ZIC3: variants seen among roughly 807,000 people sequenced by gnomAD.
The protein encoded by ZIC3 is Zic family zinc finger 3, also known as zinc finger protein ZIC 3.
ZIC3 carries 6 observed loss-of-function variants against 18.3 expected under a neutral mutation model. The observed-to-expected ratio is 0.33, with a 90% confidence interval of 0.18 to 0.65. The LOEUF (loss-of-function observed/expected upper bound fraction) is 0.65, where lower values mean the gene tolerates loss of function less well. Ranked by LOEUF, ZIC3 falls within the 30% of genes least tolerant of loss-of-function variation. The pLI is 0.75. For synonymous variants in ZIC3, 175 were observed against 177.0 expected, an observed-to-expected ratio of 0.99 and a Z score of 0.09; for missense variants, 260 against 410.0, an observed-to-expected ratio of 0.63 and a Z score of 3.16.
At chrX:137,568,858 G>T in intron 1 of ZIC3, 44 bp from the exon 2 acceptor site, 1 of 1,205,500 alleles carries the variant, frequency 8.3e-7, no homozygotes, top group African/African-American at 1.7e-5. Context: ...AGAAACTCCG[G>T]CGCTGACCGT....
At chrX:137,577,109 G>A (rs1275502448) in intron 2 of ZIC3, 1 of 504,491 alleles carries the variant, frequency 2.0e-6, no homozygotes, top group Non-Finnish European at 3.6e-6. Flanking sequence ...TTCACTTTTT[G>A]TTTTTTTGCC....
chrX:137,576,468 T>C (rs992837536), downstream of ZIC3, among the ~76,000 whole-genome samples: 1 of 111,871 alleles, frequency 8.9e-6, no homozygotes, highest in East Asian at 2.8e-4. Context: ...ATAGAAGTTA[T>C]GTGAATGGAA....
chrX:137,575,658 C>T (rs1313618373), downstream of ZIC3, among the ~76,000 whole-genome samples: 5 of 111,887 alleles, frequency 4.5e-5, no homozygotes, highest in Non-Finnish European at 9.4e-5. Context: ...AAAGTCAGCC[C>T]TCTTGGGGTT....
rs759316036 is a variant in ZIC3 at position 137,567,717 on chromosome X, T to C, written c.1026T>C (p.Ser342=). 4 of 1,212,228 alleles carry C rather than the reference T, an allele frequency of 3.3e-6. No individual in the cohort carries two copies. In the Admixed American group the frequency reaches 6.5e-5, roughly 20 times the overall value. The change falls in exon 1 of 3, where the codon TCT becomes TCC. Residue 342 remains serine, a synonymous_variant. Coordinates refer to ENST00000287538, the MANE Select transcript of ZIC3 (RefSeq NM_003413.4). ...GCTGCGGGAAGATCTTTGCCCGTTC[T>C]GAGAACCTCAAGATCCACAAGAGGA... The part of the protein sequence containing the change: ...FPGCGKIFAR[S]ENLKIHKRTH...
chrX:137,568,204 A>G, intron 1 of ZIC3, among the ~76,000 whole-genome samples: 1 of 112,529 alleles, frequency 8.9e-6, no homozygotes, highest in South Asian at 3.7e-4. Context: ...TCCTAATTAA[A>G]TGACTGATAC....
downstream of ZIC3, among the ~76,000 whole-genome samples, chrX:137,574,596 G>C (rs932160559): frequency 4.4e-5 from 5 of 112,931 alleles, no homozygotes; most frequent in Non-Finnish European, 9.4e-5. Flanking sequence ...CCCGCGCCGC[G>C]CGCAGGCGCA....
intron 2 of ZIC3, 52 bp downstream of exon 2, chrX:137,569,117 C>G (rs369905000): frequency 2.5e-6 from 3 of 1,193,185 alleles, no homozygotes; most frequent in African/African-American, 1.7e-5. Flanking sequence ...CGGCCCGACG[C>G]CGGGCCGCGG....
rs1048258352 is a variant in ZIC3, at chrX:137,568,771, A to G, written c.1061-131A>G. ...CTTCATTTCTCTCCAGGGAAAATAG[A>G]TGCAGCAGCAGCCCCCAGTCCGCGC... On this transcript the variant is annotated intron_variant, in intron 1 of 2. Transcript: ENST00000287538. 2.1e-5 allele frequency: 13 copies of G among 624,292 alleles called. No homozygotes were observed. In the African/African-American group the frequency reaches 3.1e-4, roughly 15 times the overall value. 51.4% of individuals were successfully genotyped at this position (624,292 alleles called of 1,213,427 possible).
downstream of ZIC3, among the ~76,000 whole-genome samples, chrX:137,574,852 C>T (rs1325614117): frequency 2.7e-5 from 3 of 112,714 alleles, no homozygotes; most frequent in Middle Eastern, 4.6e-3. Flanking sequence ...CCTTGTTATT[C>T]CTCAGTTCTG....
At chrX:137,569,093 G>T (rs745796725) in intron 2 of ZIC3, 28 bp downstream of exon 2, 1 of 1,210,347 alleles carries the variant, frequency 8.3e-7, no homozygotes. Context: ...AGCGGTCGGC[G>T]GTTTGTAAAC....
downstream of ZIC3, among the ~76,000 whole-genome samples, chrX:137,575,076 G>A (rs2124190307): frequency 8.9e-6 from 1 of 112,124 alleles, no homozygotes; most frequent in African/African-American, 3.2e-5. Flanking sequence ...GCCATGGCTA[G>A]GGGATGCCAT....
At chrX:137,572,553 GTATA>G (rs1176279568), downstream of ZIC3, among the ~76,000 whole-genome samples, 2 of 112,268 alleles carry the variant, frequency 1.8e-5, no homozygotes, top group Non-Finnish European at 3.8e-5. Flanking sequence ...TTCTCAGAAA[GTATA>G]TATTCATAAG....
At chrX:137,574,561 C>T (rs1931488258), downstream of ZIC3, among the ~76,000 whole-genome samples, 1 of 113,161 alleles carries the variant, frequency 8.8e-6, no homozygotes, top group African/African-American at 3.2e-5. Context: ...AGGCCTCCCA[C>T]ACCCACCCCC....
At chrX:137,567,985 G>A (rs1931376536) in intron 1 of ZIC3, among the ~76,000 whole-genome samples, 2 of 113,157 alleles carry the variant, frequency 1.8e-5, no homozygotes, top group African/African-American at 6.4e-5. Context: ...GGAACTAATT[G>A]GGACCTTCTC....
downstream of ZIC3, among the ~76,000 whole-genome samples, chrX:137,573,248 G>GT (rs1359771188): frequency 9.1e-6 from 1 of 109,534 alleles, no homozygotes; most frequent in African/African-American, 3.3e-5. Context: ...CTTGCACCTT[G>GT]TAAGATCTTT....
chrX:137,576,235 TG>T (rs1429110361), downstream of ZIC3, among the ~76,000 whole-genome samples: 1 of 111,068 alleles, frequency 9.0e-6, no homozygotes, highest in Non-Finnish European at 1.9e-5. Context: ...AGCTTTTTTC[TG>T]GTTAAATCTC....
chrX:137,568,339 G>GATCGATCGATCT (rs1175249301), intron 1 of ZIC3, among the ~76,000 whole-genome samples: 25 of 79,785 alleles, frequency 3.1e-4, no homozygotes, highest in Middle Eastern at 5.6e-3. Flanking sequence ...TGGATCGATC[G>GATCGATCGATCT]ATCTATCTAT....
chrX:137,577,251 G>C (rs1185835175), exon 3 of ZIC3: 1 of 516,972 alleles, frequency 1.9e-6, no homozygotes, highest in Non-Finnish European at 3.5e-6. Context: ...CGAACCTACT[G>C]TGCAAGAAAT....
chrX:137,576,827 G>T (rs759530730), downstream of ZIC3, among the ~76,000 whole-genome samples: 28 of 112,133 alleles, frequency 2.5e-4, no homozygotes, highest in Non-Finnish European at 3.9e-4. Context: ...CACATCTGAT[G>T]AATGGAGAGA....
Sources: allele counts gnomAD v4.1 joint callset (sites outside exome capture counted in the v4.1 genomes callset), GRCh38; gene constraint gnomAD v4.1.1; transcripts MANE v1.5; gene names NCBI Gene and HGNC (gene_info 2026-07-23, HGNC 2026-07-21).